The following SOHLH2 variants were observed in gnomAD, a reference collection of about 807,000 sequenced individuals.
SOHLH2 encodes the protein spermatogenesis and oogenesis specific basic helix-loop-helix 2.
SOHLH2 carries 22 observed loss-of-function variants against 50.4 expected under a neutral mutation model. The ratio of observed to expected loss-of-function variants is 0.44; its 90% CI spans 0.31 to 0.62. The LOEUF is 0.62. Ranked by LOEUF, SOHLH2 falls within the 20% of genes least tolerant of loss-of-function variation. The pLI, the probability that SOHLH2 is intolerant of heterozygous loss-of-function variation, is 0.08. For synonymous variants in SOHLH2, 185 were observed against 187.3 expected (o/e 0.99, Z 0.10); for missense variants, 412 against 504.4 (o/e 0.82, Z 1.76).
At position 36,190,047 on chromosome 13, in the gene SOHLH2, A is replaced by C; in HGVS notation, c.540T>G (p.Ser180=). The change falls in exon 6 of 11, where the codon TCT becomes TCG. Residue 180 remains serine, a synonymous_variant. Coordinates refer to ENST00000379881, the MANE Select transcript of SOHLH2 (RefSeq NM_017826.3). ...ATTCAAGCCCATTGCCATTCCTTAA[A>C]GATTCAGAGCTAGAAACAAGAGAAA... The part of the protein sequence containing the change: ...FPTDLFACSE[S]LRNGNGLELN... The C allele has an allele frequency of 2.5e-6, 4 of 1,601,686 alleles. No individual in the cohort carries two copies. The highest frequency in any genetic ancestry group is 3.4e-6 in the Non-Finnish European group (4 of 1,174,280).
intron 2 of SOHLH2, among the ~76,000 whole-genome samples, chr13:36,197,615 TTTC>T (rs2138309903): frequency 6.6e-6 from 1 of 152,306 alleles, no homozygotes; most frequent in East Asian, 1.9e-4. Flanking sequence ...GGGTTGTGGT[TTTC>T]TTGAGTACAG....
At chr13:36,175,008 C>T (rs1887063498) in intron 6 of SOHLH2, 139 bp from the exon 7 acceptor site, 4 of 1,288,116 alleles carry the variant, frequency 3.1e-6, no homozygotes, top group South Asian at 3.8e-5. Context: ...CAGAGAAAGG[C>T]TGTGTCCCCA....
intron 1 of SOHLH2, among the ~76,000 whole-genome samples, chr13:36,210,151 TA>T (rs1306509457): frequency 6.6e-6 from 1 of 152,178 alleles, no homozygotes; most frequent in Non-Finnish European, 1.5e-5. Flanking sequence ...ATCCTTAAGT[TA>T]AAGGCACCAT....
At chr13:36,202,415 C>T (rs1049701321) in intron 1 of SOHLH2, among the ~76,000 whole-genome samples, 3 of 152,164 alleles carry the variant, frequency 2.0e-5, no homozygotes, top group African/African-American at 7.2e-5. Context: ...ACTCAGTTTT[C>T]CAAAAGTCTT....
chr13:36,205,511 T>C (rs1868701540), intron 1 of SOHLH2, among the ~76,000 whole-genome samples: 1 of 152,130 alleles, frequency 6.6e-6, no homozygotes, highest in South Asian at 2.1e-4. Flanking sequence ...TAACATGATT[T>C]TTTTTTAATT....
chr13:36,210,955 G>T (rs1869084521), intron 1 of SOHLH2, among the ~76,000 whole-genome samples: 2 of 152,138 alleles, frequency 1.3e-5, no homozygotes, highest in South Asian at 4.1e-4. Context: ...AAGCCTTTGT[G>T]ATGCCTGTGA....
At chr13:36,175,766 C>T (rs1378711889) in intron 6 of SOHLH2, among the ~76,000 whole-genome samples, 1 of 152,062 alleles carries the variant, frequency 6.6e-6, no homozygotes, top group East Asian at 1.9e-4. Context: ...AAATATTCTA[C>T]ATCAGTGGTG....
chr13:36,189,209 G>C (rs1887508133), intron 6 of SOHLH2, among the ~76,000 whole-genome samples: 1 of 152,106 alleles, frequency 6.6e-6, no homozygotes, highest in African/African-American at 2.4e-5. Context: ...CTGGCCTCCG[G>C]ATGCAATTCA....
intron 6 of SOHLH2, chr13:36,181,917 G>T: frequency 3.3e-6 from 2 of 601,658 alleles, no homozygotes; most frequent in Non-Finnish European, 4.2e-6. Context: ...TATCTTACAT[G>T]AAGATAAAGG....
At chr13:36,210,785 A>G (rs1225111741) in intron 1 of SOHLH2, among the ~76,000 whole-genome samples, 1 of 152,166 alleles carries the variant, frequency 6.6e-6, no homozygotes, top group Admixed American at 6.5e-5. Context: ...TACTTCCCTC[A>G]ATACTCTATA....
chr13:36,212,913 A>T (rs530405493), intron 1 of SOHLH2, among the ~76,000 whole-genome samples: 16 of 152,342 alleles, frequency 1.1e-4, no homozygotes, highest in African/African-American at 3.6e-4. Flanking sequence ...TTCCATTTGC[A>T]ATCTGTGGCA....
intron 6 of SOHLH2, chr13:36,182,093 A>G (rs1887272724): frequency 2.0e-6 from 2 of 985,204 alleles, no homozygotes; most frequent in Non-Finnish European, 2.4e-6. Flanking sequence ...TACTGCTAAG[A>G]TTTCTACTAC....
chr13:36,179,962 C>A (rs987990693), intron 6 of SOHLH2, among the ~76,000 whole-genome samples: 1 of 152,068 alleles, frequency 6.6e-6, no homozygotes, highest in African/African-American at 2.4e-5. Flanking sequence ...TCTGTAAGAA[C>A]GTGTTTAAGA....
rs139024106 is a variant in SOHLH2, at chr13:36,212,830, T to C, written c.48+1649A>G. 7.4e-4 allele frequency among the ~76,000 whole-genome samples: 113 copies of C among 152,332 alleles called. 1 individual carries two copies. Among genetic ancestry groups the C allele is most frequent in the African/African-American group, 2.5e-3 (103 of 41,582 alleles). On this transcript the variant is annotated intron_variant, in intron 1 of 10. Transcript: ENST00000379881. ...ACATCATTGTCACCAAGACACTTCA[T>C]CCACTGTTTCATTTCTGTGATCACA...
chr13:36,173,300 GAGA>G (rs10558599), intron 9 of SOHLH2, among the ~76,000 whole-genome samples: 31,503 of 152,090 alleles, frequency 0.21, 3,450 homozygotes, highest in Middle Eastern at 0.26. Context: ...GAAAGTGGCT[GAGA>G]AGATCTCTTT....
chr13:36,211,920 G>A (rs1869149183), intron 1 of SOHLH2, among the ~76,000 whole-genome samples: 1 of 152,150 alleles, frequency 6.6e-6, no homozygotes, highest in Non-Finnish European at 1.5e-5. Context: ...TCAGGAAACA[G>A]GGCCTCCTGC....
intron 1 of SOHLH2, among the ~76,000 whole-genome samples, chr13:36,213,412 G>A (rs1046069614): frequency 1.3e-5 from 2 of 152,136 alleles, no homozygotes; most frequent in African/African-American, 4.8e-5. Context: ...TTGCTCTTAA[G>A]AAGAGATGAA....
chr13:36,195,056 G>A (rs1028633496), intron 2 of SOHLH2, among the ~76,000 whole-genome samples: 7 of 152,168 alleles, frequency 4.6e-5, no homozygotes, highest in Non-Finnish European at 7.3e-5. Flanking sequence ...TAAACAGACA[G>A]ACAAGGTTCC....
chr13:36,174,525 G>T lies in SOHLH2; in HGVS notation c.832C>A (p.Gln278Lys). ...LQSNMRFCKK[Q>K]QTPIELSLPG... ...AGAGACAGCTCAATGGGTGTTTGTT[G>T]TTTCTTACAAAACCTCATGTTGCTC... The change falls in exon 8 of 11, where the codon CAA becomes AAA. Residue 278 changes from glutamine (Q) to lysine (K), a missense_variant. By Grantham distance (53) the Gln-to-Lys change is moderately conservative (BLOSUM62 1). Coordinates refer to ENST00000379881, the MANE Select transcript of SOHLH2 (RefSeq NM_017826.3). The T allele has an allele frequency of 6.2e-7, 1 of 1,614,106 alleles. No individual in the cohort carries two copies. Among genetic ancestry groups the T allele is most frequent in the Non-Finnish European group, 8.5e-7 (1 of 1,180,016 alleles).
Sources: allele counts gnomAD v4.1 joint callset (sites outside exome capture counted in the v4.1 genomes callset), GRCh38; gene constraint gnomAD v4.1.1; transcripts MANE v1.5; gene names NCBI Gene and HGNC (gene_info 2026-07-23, HGNC 2026-07-21).